CCAR2: variants seen among roughly 807,000 people sequenced by gnomAD.
The protein encoded by CCAR2 is cell cycle and apoptosis regulator protein 2.
Under a neutral mutation model 108.1 loss-of-function variants are expected in CCAR2, and 21 were observed. The ratio of observed to expected loss-of-function variants is 0.19; its 90% CI spans 0.14 to 0.28. The LOEUF (loss-of-function observed/expected upper bound fraction) is 0.28. Among genes scored for constraint, CCAR2 ranks in the 10% least tolerant of loss-of-function variants. CCAR2 has a pLI of 1.00. For synonymous variants in CCAR2, 577 were observed against 472.8 expected (o/e 1.22, Z -2.86); for missense variants, 1,126 against 1,177.0 (o/e 0.96, Z 0.63).
At chr8:22,607,865 A>C in intron 6 of CCAR2, 104 bp from the exon 7 acceptor site, 1 of 817,908 alleles carries the variant, frequency 1.2e-6, no homozygotes, top group Non-Finnish European at 2.0e-6. Flanking sequence ...ACCTCAAGTG[A>C]TCCATCTGCA....
intron 7 of CCAR2, among the ~76,000 whole-genome samples, chr8:22,608,715 C>G (rs996141510): frequency 2.0e-5 from 3 of 152,160 alleles, no homozygotes; most frequent in African/African-American, 7.2e-5. Context: ...TCTCACTCTC[C>G]CTGAGTGTTT....
downstream of CCAR2, chr8:22,621,299 G>C: frequency 7.6e-7 from 1 of 1,316,208 alleles, no homozygotes; most frequent in South Asian, 1.5e-5. Context: ...TCATTGCAAA[G>C]GGCCGGCAAG....
At chr8:22,614,559 A>G (rs1801421562) in intron 10 of CCAR2, 56 bp downstream of exon 10, 2 of 1,481,950 alleles carry the variant, frequency 1.3e-6, no homozygotes, top group Non-Finnish European at 1.9e-6. Context: ...ACAACCTGTC[A>G]TGTTTTGAGT....
rs550638281 is a variant in CCAR2, at chr8:22,617,605, G to C, written c.1990+41G>C. 63 of 1,609,948 alleles carry C rather than the reference G, an allele frequency of 3.9e-5. No homozygotes were observed. In the South Asian group the frequency reaches 6.7e-4, roughly 17 times the overall value. On this transcript the variant is annotated intron_variant, in intron 15 of 20. Transcript: ENST00000308511. ...AGAGGGGAGCTTGCAGGCTTGGGAT[G>C]TGGCTTTCCACCTGTGGCCAAGCTG...
chr8:22,608,520 C>T (rs991811294), intron 7 of CCAR2, among the ~76,000 whole-genome samples: 1 of 152,198 alleles, frequency 6.6e-6, no homozygotes, highest in Non-Finnish European at 1.5e-5. Context: ...GTATATTGCA[C>T]TCTGCCTGGG....
At chr8:22,617,390 T>C in intron 14 of CCAR2, 30 bp from the exon 15 acceptor site, 1 of 1,518,658 alleles carries the variant, frequency 6.6e-7, no homozygotes. Context: ...CTGCCTGCCT[T>C]TTCCTTATAA....
Position 22,619,725 on chromosome 8 carries a change from G to T in CCAR2, c.*43G>T. 4 of 1,549,066 alleles carry T rather than the reference G, an allele frequency of 2.6e-6. No homozygotes were observed. The highest frequency in any genetic ancestry group is 3.5e-6 in the Non-Finnish European group (4 of 1,146,292). ...GCCATCCTGTGAGGGCAGCGGTGGC[G>T]CCCGGCAAAGTTGGAGCCCTTGCGG... On this transcript the variant is annotated 3_prime_UTR_variant, in exon 21 of 21. Coordinates refer to ENST00000308511, the MANE Select transcript of CCAR2 (RefSeq NM_001393997.1).
intron 5 of CCAR2, 55 bp from the exon 6 acceptor site, chr8:22,607,141 G>C: frequency 1.9e-6 from 3 of 1,610,664 alleles, no homozygotes; most frequent in Non-Finnish European, 1.7e-6. Context: ...TCTTTCCAAG[G>C]TAGTGAGTGC....
At chr8:22,609,982 T>C (rs1025205904) in intron 7 of CCAR2, among the ~76,000 whole-genome samples, 7 of 152,138 alleles carry the variant, frequency 4.6e-5, no homozygotes, top group African/African-American at 1.7e-4. Flanking sequence ...AGGAAATGTT[T>C]ATTGAGCATT....
Position 22,619,631 on chromosome 8 carries a change from C to A in CCAR2, c.2728-7C>A. The A allele has an allele frequency of 1.3e-6, 2 of 1,568,928 alleles. No homozygotes were observed. Among genetic ancestry groups the A allele is most frequent in the South Asian group, 1.2e-5 (1 of 85,442 alleles). On this transcript the variant is annotated splice_region_variant and splice_polypyrimidine_tract_variant and intron_variant, in intron 20 of 20. Transcript: ENST00000308511. ...CCGATTCTGGGTACATCATCTGTTT[C>A]AAACAGGCTGACAGCTGGGTGGAGA...
At chr8:22,619,478 C>A in intron 20 of CCAR2, 123 bp downstream of exon 20, 1 of 1,410,964 alleles carries the variant, frequency 7.1e-7, no homozygotes, top group Non-Finnish European at 9.7e-7. Context: ...TTCGTCTTTC[C>A]ATCGCTTGCC....
In CCAR2 at chr8:22,615,742, C is replaced by T. The variant is rs200784385; in HGVS notation, c.1438C>T (p.Arg480Trp). The T allele has an allele frequency of 6.1e-5, 99 of 1,613,708 alleles. No individual in the cohort carries two copies. Among genetic ancestry groups the T allele is most frequent in the Admixed American group, 2.7e-4 (16 of 60,014 alleles). ...ALEQAADTSR[R>W]NAETPEATTQ... ...GGAGCAAGCAGCAGACACTTCTAGA[C>T]GGAACGCAGAAACTCCAGAGGCCAC... The change falls in exon 13 of 21, where the codon CGG becomes TGG. Residue 480 changes from arginine (R) to tryptophan (W), a missense_variant. Transcript: ENST00000308511.
intron 7 of CCAR2, among the ~76,000 whole-genome samples, chr8:22,609,706 T>G (rs115467719): frequency 0.011 from 1,680 of 152,308 alleles, 31 homozygotes; most frequent in East Asian, 0.063. Context: ...TCACAGCAGG[T>G]GCCTTCTGAG....
chr8:22,618,279 C>G lies in CCAR2; in HGVS notation c.2074-70C>G, dbSNP rs1801602504. The G allele has an allele frequency of 8.7e-6, 14 of 1,600,572 alleles. No individual in the cohort carries two copies. The South Asian group carries it at 1.3e-4, about 15-fold the overall frequency. On this transcript the variant is annotated intron_variant, in intron 16 of 20. Transcript: ENST00000308511. ...CCCAAGCCACTGGATTCTGGACAGGCTGAATCCTGGGCGATAGAGCCACTG... is the reference window on the plus strand; with the variant it reads ...CCCAAGCCACTGGATTCTGGACAGGGTGAATCCTGGGCGATAGAGCCACTG...
intron 16 of CCAR2, 23 bp from the exon 17 acceptor site, chr8:22,618,326 G>T: frequency 6.2e-7 from 1 of 1,614,022 alleles, no homozygotes; most frequent in Non-Finnish European, 8.5e-7. Flanking sequence ...TGCAAATCCT[G>T]CTCATCTTTG....
At position 22,618,622 on chromosome 8, in the gene CCAR2, G is replaced by C. The variant is rs1325414591; in HGVS notation, c.2226G>C (p.Lys742Asn). 6.2e-7 allele frequency: 1 copy of C among 1,614,024 alleles called. No homozygotes were observed. Among genetic ancestry groups the C allele is most frequent in the African/African-American group, 1.3e-5 (1 of 74,946 alleles). ...LGIRLSAEQA[K>N]QLVSRVVTQN... ...AGCAGATGTGTTTTCTGCAGGCCAA[G>C]CAGCTGGTCAGCAGGGTGGTGACCC... The change falls in exon 18 of 21, where the codon AAG (lysine) becomes AAC (asparagine). Residue 742 changes from lysine to asparagine, a missense_variant. Transcript: ENST00000308511.
intron 7 of CCAR2, among the ~76,000 whole-genome samples, chr8:22,612,024 C>T (rs1242215087): frequency 1.3e-5 from 2 of 151,674 alleles, no homozygotes; most frequent in African/African-American, 2.4e-5. Context: ...GGCTCACTGC[C>T]ACCTCCGCCT....
chr8:22,615,208 C>T, intron 11 of CCAR2: 1 of 859,760 alleles, frequency 1.2e-6, no homozygotes, highest in Non-Finnish European at 1.7e-6. Flanking sequence ...CTGGAGTTGT[C>T]CTTGCACCTT....
chr8:22,608,799 C>G (rs1801173303), intron 7 of CCAR2, among the ~76,000 whole-genome samples: 1 of 152,194 alleles, frequency 6.6e-6, no homozygotes, highest in African/African-American at 2.4e-5. Flanking sequence ...TCATTTTAAA[C>G]TTGTTATAAT....
Sources: gnomAD v4.1 joint callset for allele counts (sites outside exome capture counted in the v4.1 genomes callset) on GRCh38, gnomAD v4.1.1 for gene constraint, MANE v1.5 for transcripts, NCBI Gene and HGNC (gene_info 2026-07-23, HGNC 2026-07-21) for gene names.